The following PDE1A variants were observed in gnomAD, a reference collection of about 807,000 sequenced individuals.
PDE1A encodes the protein phosphodiesterase 1A.
PDE1A carries 35 observed loss-of-function variants against 61.7 expected under a neutral mutation model. The observed-to-expected ratio is 0.57, with a 90% CI of 0.43 to 0.75. PDE1A has a LOEUF of 0.75. Among genes scored for constraint, PDE1A ranks in the 30% least tolerant of loss-of-function variants. The probability of loss-of-function intolerance (pLI) is 0.00; values close to 1 mark genes in which losing one functional copy is unlikely to be tolerated. For synonymous variants in PDE1A, 232 were observed against 213.2 expected (o/e 1.09, Z -0.77); for missense variants, 597 against 630.6 (o/e 0.95, Z 0.57).
chr2:182,655,499 G>T, the PDE1A span, among the ~76,000 whole-genome samples: 1 of 152,096 alleles, frequency 6.6e-6, no homozygotes, highest in African/African-American at 2.4e-5. Context: ...AGTTCCTGTT[G>T]GTACAGCCTA....
chr2:182,158,090 T>C (rs1043425557), intron 13 of PDE1A, among the ~76,000 whole-genome samples: 9 of 152,342 alleles, frequency 5.9e-5, no homozygotes, highest in Non-Finnish European at 1.0e-4. Context: ...TGATGGGATA[T>C]GTGGAGAGAG....
chr2:182,587,104 A>T, the PDE1A span, among the ~76,000 whole-genome samples: 1 of 152,224 alleles, frequency 6.6e-6, no homozygotes, highest in Non-Finnish European at 1.5e-5. Flanking sequence ...AGAGTGCTCC[A>T]GACAAAGAGA....
chr2:182,442,523 G>A (rs1684858519), intron 2 of PDE1A, among the ~76,000 whole-genome samples: 1 of 151,958 alleles, frequency 6.6e-6, no homozygotes, highest in South Asian at 2.1e-4. Context: ...TGCTATATAT[G>A]TGCAAATGTG....
At chr2:182,187,378 T>C (rs1362621559) in intron 11 of PDE1A, among the ~76,000 whole-genome samples, 1 of 152,168 alleles carries the variant, frequency 6.6e-6, no homozygotes, top group Non-Finnish European at 1.5e-5. Flanking sequence ...AACAACCTAT[T>C]CTAAGGTCTG....
intron 1 of PDE1A, chr2:182,522,627 A>G: frequency 7.9e-7 from 1 of 1,264,342 alleles, no homozygotes; most frequent in Non-Finnish European, 1.0e-6. Flanking sequence ...CCTCACAAGA[A>G]CAATCCGTAC....
exon 14 of PDE1A, chr2:182,167,920 G>C (rs1442344896): frequency 7.2e-6 from 8 of 1,103,742 alleles, no homozygotes; most frequent in Non-Finnish European, 8.8e-6. Flanking sequence ...TTGTAGAAAT[G>C]ACAAAATTAG....
At chr2:182,349,562 T>G (rs1698734495) in intron 1 of PDE1A, among the ~76,000 whole-genome samples, 1 of 152,200 alleles carries the variant, frequency 6.6e-6, no homozygotes, top group South Asian at 2.1e-4. Flanking sequence ...ATCTTCTGAT[T>G]AGAAAGATTA....
chr2:182,161,725 G>T (rs77212876), intron 13 of PDE1A, among the ~76,000 whole-genome samples: 6 of 152,236 alleles, frequency 3.9e-5, no homozygotes, highest in Admixed American at 6.5e-5. Context: ...CTACTTGAGT[G>T]TTCTAACTGA....
chr2:182,687,829 CTTAAAGGACCT>C, the PDE1A span, among the ~76,000 whole-genome samples: 1 of 152,146 alleles, frequency 6.6e-6, no homozygotes, highest in Non-Finnish European at 1.5e-5. Flanking sequence ...CAGAGAAGTC[CTTAAAGGACCT>C]GATGGAGCTG....
At chr2:182,560,203 T>C in the PDE1A span, among the ~76,000 whole-genome samples, 1 of 146,006 alleles carries the variant, frequency 6.8e-6, no homozygotes, top group Non-Finnish European at 1.5e-5. Flanking sequence ...CCTAATGCTA[T>C]CCCTCTCCCC....
rs565449014 is a variant in PDE1A, at chr2:182,280,454, A to G, written c.54-16040T>C. On this transcript the variant is annotated intron_variant, in intron 1 of 13. Transcript: ENST00000351439. Reference sequence around the variant, plus strand: ...TGCACATTCTCCAGTAGTTTCCAAGAAAGTGTGTATGTGACATAAATCACT... The same window carrying G: ...TGCACATTCTCCAGTAGTTTCCAAGGAAGTGTGTATGTGACATAAATCACT... 3.9e-5 allele frequency among the ~76,000 whole-genome samples: 6 copies of G among 152,096 alleles called. No homozygotes were observed. The East Asian group carries it at 1.2e-3, about 30-fold the overall frequency.
chr2:182,214,536 C>T (rs569758904), intron 7 of PDE1A, among the ~76,000 whole-genome samples: 1 of 151,936 alleles, frequency 6.6e-6, no homozygotes, highest in South Asian at 2.1e-4. Flanking sequence ...CATGCAGAGA[C>T]ACACATAGGC....
intron 2 of PDE1A, among the ~76,000 whole-genome samples, chr2:182,470,324 C>T (rs1430742191): frequency 1.3e-5 from 2 of 151,770 alleles, no homozygotes; most frequent in African/African-American, 4.8e-5. Flanking sequence ...TGATTAAGTG[C>T]AGCTATGAAA....
chr2:182,560,698 T>C, the PDE1A span, among the ~76,000 whole-genome samples: 116 of 152,282 alleles, frequency 7.6e-4, 2 homozygotes, highest in African/African-American at 2.7e-3. Flanking sequence ...AAAGTGTTCC[T>C]ATTTCTCCAC....
At chr2:182,569,280 T>TATATATATATATA in the PDE1A span, among the ~76,000 whole-genome samples, 1 of 150,058 alleles carries the variant, frequency 6.7e-6, no homozygotes, top group Non-Finnish European at 1.5e-5. Flanking sequence ...TATATATGTA[T>TATATATATATATA]TTCCTGTTGT....
intron 2 of PDE1A, among the ~76,000 whole-genome samples, chr2:182,450,426 A>T (rs1451965819): frequency 1.3e-5 from 2 of 152,068 alleles, no homozygotes; most frequent in African/African-American, 2.4e-5. Flanking sequence ...TTATGACTCC[A>T]CCTCATGTCA....
At chr2:182,570,703 C>G in the PDE1A span, among the ~76,000 whole-genome samples, 1 of 152,106 alleles carries the variant, frequency 6.6e-6, no homozygotes. Context: ...AAAAAGGAAA[C>G]CTAAAATAAT....
At chr2:182,515,954 CTGTGTGTGTG>C (rs201729102) in intron 2 of PDE1A, among the ~76,000 whole-genome samples, 48,928 of 130,414 alleles carry the variant, frequency 0.38, 9,115 homozygotes, top group East Asian at 0.62. Context: ...GTGTGTGTTT[CTGTGTGTGTG>C]TGTGTGTGTG....
At chr2:182,434,592 C>T (rs1297965162) in intron 2 of PDE1A, among the ~76,000 whole-genome samples, 2 of 151,930 alleles carry the variant, frequency 1.3e-5, no homozygotes, top group Non-Finnish European at 2.9e-5. Flanking sequence ...GAGCAGCCCT[C>T]CTGGCCTAAT....
Sources: allele counts gnomAD v4.1 joint callset (sites outside exome capture counted in the v4.1 genomes callset), GRCh38; gene constraint gnomAD v4.1.1; transcripts MANE v1.5; gene names NCBI Gene and HGNC (gene_info 2026-07-23, HGNC 2026-07-21).